The following RAPGEF2 variants were observed in gnomAD, a reference collection of about 807,000 sequenced individuals.
RAPGEF2 encodes the protein PDZ domain containing guanine nucleotide exchange factor (GEF) 1.
A neutral mutation model predicts 186.7 loss-of-function variants in RAPGEF2; 54 were observed. The observed-to-expected ratio is 0.29, with a 90% confidence interval of 0.23 to 0.36. The LOEUF (loss-of-function observed/expected upper bound fraction) is 0.36, where lower values mean the gene tolerates loss of function less well. RAPGEF2 is among the 10% of genes least tolerant of loss of function. The pLI is 1.00. For missense variants in RAPGEF2, 1,532 were observed against 2,045.0 expected (o/e 0.75, Z 4.84); for synonymous variants, 712 against 705.9 (o/e 1.01, Z -0.14).
intron 3 of RAPGEF2, among the ~76,000 whole-genome samples, chr4:159,198,236 C>CT (rs1244084113): frequency 8.0e-6 from 1 of 125,154 alleles, no homozygotes; most frequent in Non-Finnish European, 1.7e-5. Flanking sequence ...ATTTTCTTTT[C>CT]TTTCTTTCTT....
chr4:159,231,010 T>C (rs1303612384), intron 4 of RAPGEF2, among the ~76,000 whole-genome samples: 1 of 152,208 alleles, frequency 6.6e-6, no homozygotes, highest in African/African-American at 2.4e-5. Context: ...TATGTAGTCA[T>C]GCACTGTGTA....
intron 7 of RAPGEF2, among the ~76,000 whole-genome samples, chr4:159,260,393 C>T (rs1214354590): frequency 6.6e-6 from 1 of 151,948 alleles, no homozygotes; most frequent in African/African-American, 2.4e-5. Context: ...ATCTTATCCC[C>T]AAACAGTTTT....
In RAPGEF2 at chr4:159,164,038, C is replaced by T. The variant is rs190647079; in HGVS notation, c.70-22604C>T. Among the ~76,000 whole-genome samples the T allele has an allele frequency of 5.0e-4, 76 of 151,710 alleles. No individual in the cohort carries two copies. The East Asian group carries it at 0.013, about 26-fold the overall frequency. On this transcript the variant is annotated intron_variant, in intron 1 of 29. Transcript: ENST00000691494. ...TTTTTTTTTTGAGACGGAGTCTCGC[C>T]GTGTCCCCCAGGCTGGAGTGCAGTG...
chr4:159,169,414 A>G (rs569659787), intron 1 of RAPGEF2, among the ~76,000 whole-genome samples: 70 of 152,370 alleles, frequency 4.6e-4, no homozygotes, highest in African/African-American at 1.6e-3. Context: ...GCCAATTAAC[A>G]TACATATTAC....
intron 10 of RAPGEF2, among the ~76,000 whole-genome samples, chr4:159,323,188 T>A (rs1256271307): frequency 1.3e-5 from 2 of 152,154 alleles, no homozygotes; most frequent in Admixed American, 6.5e-5. Flanking sequence ...GACAGAGAAA[T>A]TTTTTTCCTT....
At chr4:159,357,632 G>A (rs1030240030) in intron 29 of RAPGEF2, among the ~76,000 whole-genome samples, 5 of 152,144 alleles carry the variant, frequency 3.3e-5, no homozygotes, top group African/African-American at 9.7e-5. Flanking sequence ...GCAGTGAGCC[G>A]AGAACACTGC....
rs1391379795 is a variant in RAPGEF2 at position 159,356,257 on chromosome 4, T to C, written c.4957+99T>C. ...GTTCTCTTAACACTGCAGTCAGCTA[T>C]GTCTAACCATATACTACACAAAGTA... On this transcript the variant is annotated intron_variant, in intron 29 of 29. Coordinates refer to ENST00000691494, the MANE Select transcript of RAPGEF2 (RefSeq NM_001394067.2). The C allele has an allele frequency of 2.4e-6, 3 of 1,237,042 alleles. No individual in the cohort carries two copies. The Admixed American group carries it at 7.0e-5, about 29-fold the overall frequency. The allele number at this position is 1,237,042 out of a possible 1,614,324, so 76.6% of individuals were successfully genotyped here.
At chr4:159,223,883 C>T (rs1751769895) in intron 4 of RAPGEF2, among the ~76,000 whole-genome samples, 1 of 151,954 alleles carries the variant, frequency 6.6e-6, no homozygotes, top group Non-Finnish European at 1.5e-5. Flanking sequence ...ATTTTATAGC[C>T]ATTATCCCAT....
chr4:159,197,780 C>T (rs1031875314), intron 3 of RAPGEF2, among the ~76,000 whole-genome samples: 2 of 152,200 alleles, frequency 1.3e-5, no homozygotes, highest in African/African-American at 4.8e-5. Context: ...TCGCTGTCCC[C>T]TTTCCTTTCT....
intron 7 of RAPGEF2, among the ~76,000 whole-genome samples, chr4:159,300,812 T>A (rs1133055): frequency 6.6e-6 from 1 of 152,068 alleles, no homozygotes; most frequent in Admixed American, 6.5e-5. Context: ...CGTTGTGCCT[T>A]GTATATATTT....
chr4:159,124,056 A>T (rs1006223863), intron 1 of RAPGEF2, among the ~76,000 whole-genome samples: 2 of 150,230 alleles, frequency 1.3e-5, no homozygotes, highest in South Asian at 4.2e-4. Context: ...GCGTTTCGCC[A>T]TGTTGGCCAG....
At chr4:159,251,864 C>T (rs1755458958) in intron 7 of RAPGEF2, among the ~76,000 whole-genome samples, 1 of 151,756 alleles carries the variant, frequency 6.6e-6, no homozygotes, top group Non-Finnish European at 1.5e-5. Flanking sequence ...CCGCGATCTG[C>T]TTGGGTTCGT....
chr4:159,268,238 G>A (rs767557491), intron 7 of RAPGEF2: 3 of 1,523,052 alleles, frequency 2.0e-6, no homozygotes, highest in Non-Finnish European at 2.7e-6. Context: ...AATGCTGCTT[G>A]TGCTTTGATA....
chr4:159,314,998 C>A (rs774747423), intron 9 of RAPGEF2, among the ~76,000 whole-genome samples: 1 of 151,626 alleles, frequency 6.6e-6, no homozygotes, highest in African/African-American at 2.4e-5. Flanking sequence ...CTTAGTAAAC[C>A]CTTTCCACAT....
chr4:159,323,441 T>A lies in RAPGEF2; in HGVS notation c.991-18T>A. The A allele has an allele frequency of 6.4e-7, 1 of 1,573,560 alleles. No individual in the cohort carries two copies. Among genetic ancestry groups the A allele is most frequent in the East Asian group, 2.3e-5 (1 of 42,600 alleles). ...TCATGATGTTACTTTCTGCTTTGTC[T>A]TTATTTTTTTGGATTAGCTGGACTC... On this transcript the variant is annotated intron_variant, in intron 10 of 29. Coordinates refer to ENST00000691494, the MANE Select transcript of RAPGEF2 (RefSeq NM_001394067.2).
At chr4:159,133,911 GTTTCACCAT>G (rs905949063) in intron 1 of RAPGEF2, among the ~76,000 whole-genome samples, 1 of 151,900 alleles carries the variant, frequency 6.6e-6, no homozygotes, top group Non-Finnish European at 1.5e-5. Context: ...TAGTGATGGG[GTTTCACCAT>G]GTTGGCCAGG....
At chr4:159,273,529 G>C (rs1758376362) in intron 7 of RAPGEF2, among the ~76,000 whole-genome samples, 1 of 151,976 alleles carries the variant, frequency 6.6e-6, no homozygotes, top group African/African-American at 2.4e-5. Context: ...CTGAAAAAAA[G>C]AATGATTAAC....
intron 1 of RAPGEF2, among the ~76,000 whole-genome samples, chr4:159,180,473 C>T (rs565302023): frequency 1.3e-5 from 2 of 152,158 alleles, no homozygotes; most frequent in Non-Finnish European, 2.9e-5. Context: ...TCTGTAAAGC[C>T]ACCTAACTGC....
At chr4:159,206,839 T>C (rs1242221341) in intron 3 of RAPGEF2, among the ~76,000 whole-genome samples, 3 of 152,176 alleles carry the variant, frequency 2.0e-5, no homozygotes, top group Non-Finnish European at 4.4e-5. Flanking sequence ...ATGAATTCTA[T>C]GGGGGATGGA....
Sources: allele counts gnomAD v4.1 joint callset (sites outside exome capture counted in the v4.1 genomes callset), GRCh38; gene constraint gnomAD v4.1.1; transcripts MANE v1.5; gene names NCBI Gene and HGNC (gene_info 2026-07-23, HGNC 2026-07-21).